DET1: variants seen among roughly 807,000 people sequenced by gnomAD.
DET1 encodes the protein DET1 partner of COP1 E3 ubiquitin ligase, also known as DET1 homolog.
A neutral mutation model predicts 43.7 loss-of-function variants in DET1; 22 were observed. That is an observed-to-expected ratio of 0.50 (90% CI 0.36 to 0.72). The LOEUF (loss-of-function observed/expected upper bound fraction) is 0.72. DET1 is among the 30% of genes least tolerant of loss of function. The probability of loss-of-function intolerance (pLI) is 0.00; values close to 1 mark genes in which losing one functional copy is unlikely to be tolerated. For synonymous variants in DET1, 315 were observed against 266.2 expected (o/e 1.18, Z -1.79); for missense variants, 713 against 713.3 (o/e 1.00, Z 0.00).
chr15:88,544,156 T>C (rs948079055), intron 1 of DET1, among the ~76,000 whole-genome samples: 1 of 152,220 alleles, frequency 6.6e-6, no homozygotes, highest in South Asian at 2.1e-4. Flanking sequence ...ACCTCGTCCA[T>C]AGCTCAGTGG....
intron 1 of DET1, among the ~76,000 whole-genome samples, chr15:88,538,700 C>T (rs1392904422): frequency 2.0e-5 from 3 of 152,124 alleles, no homozygotes; most frequent in African/African-American, 4.8e-5. Flanking sequence ...TTGCTCCGGG[C>T]TCCCCCGGAA....
rs371251710 is a variant in DET1 at position 88,544,065 on chromosome 15, C to T, written c.-11+2475G>A. 9.1e-4 allele frequency among the ~76,000 whole-genome samples: 139 copies of T among 152,296 alleles called. 1 individual carries two copies. In the South Asian group the frequency reaches 0.022, roughly 24 times the overall value. On this transcript the variant is annotated intron_variant, in intron 1 of 4. Coordinates refer to ENST00000268148, the MANE Select transcript of DET1 (RefSeq NM_001144074.3). Reference sequence around the variant, plus strand: ...GCTACCAAAAATGAAACTGCCAATACGGTAGTTAAGTTCCTACTCAATAAA... The same window carrying T: ...GCTACCAAAAATGAAACTGCCAATATGGTAGTTAAGTTCCTACTCAATAAA...
chr15:88,523,852 G>A (rs1488920780), intron 3 of DET1, among the ~76,000 whole-genome samples: 6 of 151,730 alleles, frequency 4.0e-5, no homozygotes, highest in Non-Finnish European at 7.4e-5. Context: ...GCCTCTGCCC[G>A]GCCGCCACCC....
intron 1 of DET1, among the ~76,000 whole-genome samples, chr15:88,537,454 A>T (rs749295253): frequency 3.3e-5 from 5 of 151,742 alleles, no homozygotes; most frequent in Non-Finnish European, 5.9e-5. Context: ...TTCTGCCTTG[A>T]TCTCCCAAAG....
chr15:88,538,033 G>A (rs111528932), intron 1 of DET1, among the ~76,000 whole-genome samples: 3,591 of 152,258 alleles, frequency 0.024, 69 homozygotes, highest in South Asian at 0.072. Flanking sequence ...GGTCTACCTC[G>A]GTCATGCGGT....
At position 88,536,219 on chromosome 15, in the gene DET1, T is replaced by C. The variant is rs531971345; in HGVS notation, c.-10-4504A>G. 9 of 685,834 alleles carry C rather than the reference T, an allele frequency of 1.3e-5. No individual in the cohort carries two copies. The African/African-American group carries it at 1.4e-4, about 11-fold the overall frequency. 42.5% of individuals were successfully genotyped at this position (685,834 alleles called of 1,614,324 possible). A position where few individuals can be genotyped will look rare whatever the true frequency, so the allele number is the denominator to read the frequency against. On this transcript the variant is annotated intron_variant, in intron 1 of 4. Coordinates refer to ENST00000268148, the MANE Select transcript of DET1 (RefSeq NM_001144074.3). ...CTAAAATAGTACCTCCTCAGAAATC[T>C]TCCCCAGGCACCTTACGTCTGCCCA...
downstream of DET1, among the ~76,000 whole-genome samples, chr15:88,510,771 G>GTTT (rs72302105): frequency 1.5e-5 from 2 of 132,970 alleles, no homozygotes; most frequent in Non-Finnish European, 1.6e-5. Context: ...TTTTTTTTTT[G>GTTT]TTTTTTTTTT....
intron 1 of DET1, among the ~76,000 whole-genome samples, chr15:88,545,552 G>C (rs969934558): frequency 2.0e-4 from 30 of 152,168 alleles, no homozygotes; most frequent in Non-Finnish European, 4.0e-4. Flanking sequence ...GGGTTAGCTG[G>C]ACCTCTCCTC....
chr15:88,517,224 G>GT (rs397854316), intron 3 of DET1, among the ~76,000 whole-genome samples: 22,585 of 129,608 alleles, frequency 0.17, 2,226 homozygotes, highest in South Asian at 0.26. Flanking sequence ...TGGGTTTTGG[G>GT]TTTTTTTTTT....
At position 88,512,916 on chromosome 15, in the gene DET1, T is replaced by G. The variant is rs370366433; in HGVS notation, c.*35A>C. On this transcript the variant is annotated 3_prime_UTR_variant, in exon 5 of 5. Coordinates refer to ENST00000268148, the MANE Select transcript of DET1 (RefSeq NM_001144074.3). The stretch of plus-strand genomic sequence containing the variant: ...ACTGAGATAAGTGAGTGGCAAAGTC[T>G]TGGAAGACCAGATAATCTGGCTCTG... 6.2e-7 allele frequency: 1 copy of G among 1,606,470 alleles called. No homozygotes were observed.
intron 8 of DET1, chr15:88,502,973 G>A (rs1808336213): frequency 6.6e-6 from 1 of 152,258 alleles, no homozygotes; most frequent in Admixed American, 6.5e-5. Context: ...ACACACTAGT[G>A]TTAAGAAGGA....
intron 3 of DET1, among the ~76,000 whole-genome samples, chr15:88,524,373 C>G (rs893353544): frequency 8.6e-5 from 13 of 151,934 alleles, no homozygotes; most frequent in Non-Finnish European, 1.6e-4. Flanking sequence ...ACCGCCCCGT[C>G]CGGGAGGTGG....
intron 4 of DET1, among the ~76,000 whole-genome samples, chr15:88,513,793 C>CTT (rs55855042): frequency 0.034 from 2,320 of 68,504 alleles, 91 homozygotes; most frequent in African/African-American, 0.086. Context: ...AGAATAAATT[C>CTT]TTTTTTTTTT....
chr15:88,512,700 T>G lies in DET1; in HGVS notation c.*251A>C. 1.6e-6 allele frequency: 2 copies of G among 1,224,922 alleles called. No homozygotes were observed. Among genetic ancestry groups the G allele is most frequent in the Non-Finnish European group, 2.0e-6 (2 of 982,226 alleles). 75.9% of individuals were successfully genotyped at this position (1,224,922 alleles called of 1,614,324 possible). On this transcript the variant is annotated 3_prime_UTR_variant, in exon 5 of 5. Transcript: ENST00000268148. The stretch of plus-strand genomic sequence containing the variant: ...AAGTAAAGCAAAAATGAAATGGACT[T>G]AATTAATGCTGGGCATTCCCACAGG...
At chr15:88,524,278 G>A (rs1396870523) in intron 3 of DET1, among the ~76,000 whole-genome samples, 1 of 150,464 alleles carries the variant, frequency 6.6e-6, no homozygotes, top group Admixed American at 6.6e-5. Flanking sequence ...CCCTCCGCCT[G>A]GCAGCCGCCC....
intron 1 of DET1, among the ~76,000 whole-genome samples, chr15:88,537,888 C>T (rs1219956103): frequency 3.9e-5 from 6 of 152,230 alleles, no homozygotes; most frequent in Non-Finnish European, 8.8e-5. Flanking sequence ...CTATCTAAAA[C>T]AGGACTCCCG....
chr15:88,537,867 C>A (rs2056993682), intron 1 of DET1, among the ~76,000 whole-genome samples: 1 of 152,162 alleles, frequency 6.6e-6, no homozygotes, highest in Admixed American at 6.5e-5. Context: ...AGGAAGTGTT[C>A]CCTGACCATC....
At chr15:88,544,226 T>C (rs2142351777) in intron 1 of DET1, among the ~76,000 whole-genome samples, 1 of 152,308 alleles carries the variant, frequency 6.6e-6, no homozygotes, top group South Asian at 2.1e-4. Context: ...CCCAGAGCTC[T>C]GGGCAGGTAG....
In DET1 at chr15:88,531,431, G is replaced by T. The variant is rs760179982; in HGVS notation, c.275C>A (p.Ala92Glu). The T allele has an allele frequency of 1.2e-6, 2 of 1,614,034 alleles. No individual in the cohort carries two copies. Among genetic ancestry groups the T allele is most frequent in the Non-Finnish European group, 1.7e-6 (2 of 1,179,902 alleles). ...LEIYEYQGCQ[A>E]AEDLLQGYEG... ...GTATCCCTGCAGTAGGTCCTCTGCT[G>T]CCTGGCAGCCCTGGTACTCATAGAT... The change falls in exon 2 of 5, where the codon GCA becomes GAA. Residue 92 changes from alanine (A) to glutamate (E), a missense_variant. Transcript: ENST00000268148. This position sits in a 1 kb window ranked among gnomAD's most constrained non-coding sequence, Gnocchi z 6.2.
Sources: allele counts gnomAD v4.1 joint callset (sites outside exome capture counted in the v4.1 genomes callset), GRCh38; gene constraint gnomAD v4.1.1; non-coding constraint Gnocchi (gnomAD v3.1); transcripts MANE v1.5; gene names NCBI Gene and HGNC (gene_info 2026-07-23, HGNC 2026-07-21).